The following ODAD2 variants were observed in gnomAD, a reference collection of about 807,000 sequenced individuals.
ODAD2 encodes the protein outer dynein arm-docking complex subunit 2.
A neutral mutation model predicts 106.8 loss-of-function variants in ODAD2; 89 were observed. The ratio of observed to expected loss-of-function variants is 0.83; its 90% CI spans 0.70 to 0.99. The LOEUF (loss-of-function observed/expected upper bound fraction) is 0.99. Among genes scored for constraint, ODAD2 ranks in the 50% least tolerant of loss-of-function variants. The probability of loss-of-function intolerance (pLI) is 0.00; values close to 1 mark genes in which losing one functional copy is unlikely to be tolerated. For missense variants in ODAD2, 1,168 were observed against 1,238.5 expected, an observed-to-expected ratio of 0.94 and a Z score of 0.85; for synonymous variants, 404 against 436.2, an observed-to-expected ratio of 0.93 and a Z score of 0.92.
At position 27,940,802 on chromosome 10, in the gene ODAD2, C is replaced by A; in HGVS notation, c.1747G>T (p.Ala583Ser). 6.2e-7 allele frequency: 1 copy of A among 1,611,722 alleles called. No homozygotes were observed. The highest frequency in any genetic ancestry group is 8.5e-7 in the Non-Finnish European group (1 of 1,178,824). ...RQHGGITKLV[A>S]LLDCAHDSTK... is the part of the protein sequence containing the mutation. ...GAATCATGTGCACAGTCTAGTAGAG[C>A]AACCTATAATAATAGATAAATCCAA... Residue 583 changes from alanine to serine, a missense_variant, in exon 13 of 20, where the codon GCT (alanine) becomes TCT (serine). Physicochemically the swap from Ala to Ser is moderately conservative, Grantham distance 99. Coordinates refer to ENST00000305242, the MANE Select transcript of ODAD2 (RefSeq NM_018076.5).
chr10:27,914,985 CAAG>C (rs1214182276), intron 16 of ODAD2, among the ~76,000 whole-genome samples: 1 of 151,694 alleles, frequency 6.6e-6, no homozygotes, highest in African/African-American at 2.4e-5. Context: ...ATTGGAATAC[CAAG>C]AAGAAGACAG....
At position 27,985,215 on chromosome 10, in the gene ODAD2, CCAA is replaced by C; in HGVS notation, c.383-7_383-5del. ...TTTACTATGGGGTCTCTGTTAGCTGCCAAAAAAAAAAAAAAGGAGACAAATAAA... is the reference window on the plus strand; with the variant it reads ...TTTACTATGGGGTCTCTGTTAGCTGCAAAAAAAAAAAAGGAGACAAATAAA... On this transcript the variant is annotated splice_polypyrimidine_tract_variant and splice_region_variant and intron_variant, in intron 3 of 19. Coordinates refer to ENST00000305242, the MANE Select transcript of ODAD2 (RefSeq NM_018076.5). 2 of 1,365,072 alleles carry C rather than the reference CCAA, an allele frequency of 1.5e-6. No individual in the cohort carries two copies. The highest frequency in any genetic ancestry group is 1.7e-5 in the South Asian group (1 of 57,736). The allele number at this position is 1,365,072 out of a possible 1,614,324, so 84.6% of individuals were successfully genotyped here.
At chr10:27,898,921 G>A (rs11006765) in intron 17 of ODAD2, among the ~76,000 whole-genome samples, 100,624 of 151,796 alleles carry the variant, frequency 0.66, 33,669 homozygotes, top group Middle Eastern at 0.74. Flanking sequence ...ATTACAATTC[G>A]CTTTTTAAAA....
intron 14 of ODAD2, among the ~76,000 whole-genome samples, chr10:27,937,288 C>T (rs1466792246): frequency 6.6e-6 from 1 of 151,888 alleles, no homozygotes; most frequent in Non-Finnish European, 1.5e-5. Flanking sequence ...CTTCAATGGC[C>T]CCTGAAATCT....
intron 19 of ODAD2, among the ~76,000 whole-genome samples, chr10:27,831,705 G>A (rs544346459): frequency 6.6e-6 from 1 of 152,350 alleles, no homozygotes; most frequent in South Asian, 2.1e-4. Flanking sequence ...CCTCATTCTT[G>A]GATGCCTGGG....
At chr10:27,842,597 A>G (rs951528491) in intron 19 of ODAD2, among the ~76,000 whole-genome samples, 2 of 152,222 alleles carry the variant, frequency 1.3e-5, no homozygotes, top group African/African-American at 4.8e-5. Flanking sequence ...AAACATATAA[A>G]TGTCTTTAAG....
Position 27,862,532 on chromosome 10 carries a change from C to T in ODAD2, c.2701G>A (p.Val901Ile). Residue 901 changes from valine to isoleucine, a missense_variant, in exon 18 of 20, where the codon GTA becomes ATA. Val to Ile is a conservative substitution (Grantham distance 29). Coordinates refer to ENST00000305242, the MANE Select transcript of ODAD2 (RefSeq NM_018076.5). ...KSDNKEVLAS[V>I]CAAITNIAKD... is the part of the protein sequence containing the mutation. ...GCTATGTTGGTAATGGCAGCACATA[C>T]ACTTGCCAGAACTTCTTTGTTATCT... is the stretch of plus-strand genomic sequence containing the variant. 1 of 1,612,110 alleles carries T rather than the reference C, an allele frequency of 6.2e-7. No individual in the cohort carries two copies. Among genetic ancestry groups the T allele is most frequent in the Non-Finnish European group, 8.5e-7 (1 of 1,179,130 alleles).
intron 16 of ODAD2, among the ~76,000 whole-genome samples, chr10:27,932,422 T>A (rs1167239156): frequency 1.3e-5 from 2 of 152,174 alleles, no homozygotes; most frequent in African/African-American, 4.8e-5. Context: ...AGTTGAACGA[T>A]CATAAGTTGG....
At chr10:27,990,487 CT>C (rs1850160190) in intron 2 of ODAD2, among the ~76,000 whole-genome samples, 2 of 152,168 alleles carry the variant, frequency 1.3e-5, no homozygotes. Flanking sequence ...CATTTAGTGT[CT>C]TACTACTTAA....
chr10:27,853,148 C>G (rs1207671861), intron 19 of ODAD2: 1 of 156,550 alleles, frequency 6.4e-6, no homozygotes, highest in Non-Finnish European at 1.4e-5. Flanking sequence ...GCCGGCAGAT[C>G]ACGAGGTCAG....
At chr10:27,970,248 G>A (rs1289177983) in intron 8 of ODAD2, among the ~76,000 whole-genome samples, 2 of 152,082 alleles carry the variant, frequency 1.3e-5, no homozygotes, top group Non-Finnish European at 2.9e-5. Context: ...CACTTGTTTT[G>A]TATATTTCAT....
intron 17 of ODAD2, among the ~76,000 whole-genome samples, chr10:27,899,116 A>C (rs151097323): frequency 6.6e-6 from 1 of 151,900 alleles, no homozygotes; most frequent in Non-Finnish European, 1.5e-5. Flanking sequence ...TACCCATCTC[A>C]TCTCATTGGG....
At chr10:27,863,670 A>C (rs1345362887) in intron 17 of ODAD2, among the ~76,000 whole-genome samples, 1 of 152,186 alleles carries the variant, frequency 6.6e-6, no homozygotes, top group Non-Finnish European at 1.5e-5. Flanking sequence ...AGAGACTACA[A>C]ATCCATACAA....
intron 17 of ODAD2, among the ~76,000 whole-genome samples, chr10:27,884,628 G>A (rs1255045290): frequency 6.6e-6 from 1 of 152,110 alleles, no homozygotes; most frequent in Non-Finnish European, 1.5e-5. Context: ...ATTTCAGCTA[G>A]CAGAAGCTAT....
chr10:27,900,148 C>G (rs533612820), intron 17 of ODAD2, among the ~76,000 whole-genome samples: 5 of 152,310 alleles, frequency 3.3e-5, no homozygotes, highest in African/African-American at 1.2e-4. Context: ...GTTCTGCAGC[C>G]TCCGCTCATG....
At position 27,987,510 on chromosome 10, in the gene ODAD2, T is replaced by C; in HGVS notation, c.258A>G (p.Lys86=). 5.0e-6 allele frequency: 8 copies of C among 1,612,034 alleles called. No individual in the cohort carries two copies. The highest frequency in any genetic ancestry group is 6.8e-6 in the Non-Finnish European group (8 of 1,179,374). ...ETTVKSEEVD[K]NGQPLLFLSV... Reference sequence around the variant, plus strand: ...AGAGAAATAGCAAAGGCTGTCCATTTTTATCAACTTCTTCTGATTTGACTG... The same window carrying C: ...AGAGAAATAGCAAAGGCTGTCCATTCTTATCAACTTCTTCTGATTTGACTG... Residue 86 remains lysine (K), a synonymous_variant, in exon 3 of 20, where the codon AAA becomes AAG. Coordinates refer to ENST00000305242, the MANE Select transcript of ODAD2 (RefSeq NM_018076.5).
rs189019180 is a variant in ODAD2, at chr10:27,816,051, C to T, written c.3022-3426G>A. Among the ~76,000 whole-genome samples, 303 of 152,316 alleles carry T rather than the reference C, an allele frequency of 2.0e-3. 2 individuals carry two copies. Among genetic ancestry groups the T allele is most frequent in the African/African-American group, 6.9e-3 (286 of 41,576 alleles). ...GAAATCTGCGTGCCTCACACTCACTCCCACCCTCATCTCCCCTATGCTGCA... is the reference window on the plus strand; with the variant it reads ...GAAATCTGCGTGCCTCACACTCACTTCCACCCTCATCTCCCCTATGCTGCA... On this transcript the variant is annotated intron_variant, in intron 19 of 19. Transcript: ENST00000305242.
At chr10:27,843,932 G>A (rs907555709) in intron 19 of ODAD2, among the ~76,000 whole-genome samples, 3 of 152,116 alleles carry the variant, frequency 2.0e-5, no homozygotes, top group Non-Finnish European at 4.4e-5. Context: ...TGCCCAACAT[G>A]CTCACACCTG....
chr10:27,818,672 G>C (rs1262223481), intron 19 of ODAD2, among the ~76,000 whole-genome samples: 1 of 152,206 alleles, frequency 6.6e-6, no homozygotes, highest in African/African-American at 2.4e-5. Context: ...GAGGAGAATA[G>C]ATTGCTAGCT....
Sources: allele counts gnomAD v4.1 joint callset (sites outside exome capture counted in the v4.1 genomes callset), GRCh38; gene constraint gnomAD v4.1.1; transcripts MANE v1.5; gene names NCBI Gene and HGNC (gene_info 2026-07-23, HGNC 2026-07-21).